Variants in MTMR12 observed in about 807,000 individuals in gnomAD.
MTMR12 encodes the protein myotubularin-related protein 12.
Under a neutral mutation model 96.7 loss-of-function variants are expected in MTMR12, and 33 were observed. The observed-to-expected ratio is 0.34, with a 90% CI of 0.26 to 0.46. MTMR12 has a LOEUF of 0.46. Among genes scored for constraint, MTMR12 ranks in the 20% least tolerant of loss-of-function variants. MTMR12 has a pLI of 1.00. For synonymous variants in MTMR12, 298 were observed against 327.2 expected, an observed-to-expected ratio of 0.91 and a Z score of 0.96; for missense variants, 721 against 896.1, an observed-to-expected ratio of 0.80 and a Z score of 2.49.
chr5:32,272,116 C>A (rs1015439830), intron 3 of MTMR12, among the ~76,000 whole-genome samples: 4 of 151,804 alleles, frequency 2.6e-5, no homozygotes, highest in Admixed American at 2.6e-4. Flanking sequence ...ACGGTGAAAC[C>A]CCATCTCTAC....
chr5:32,265,586 C>T (rs1749556780), intron 6 of MTMR12, among the ~76,000 whole-genome samples: 1 of 152,202 alleles, frequency 6.6e-6, no homozygotes, highest in Admixed American at 6.5e-5. Context: ...TCTAAGACAG[C>T]ACCCAGTTAA....
chr5:32,304,129 G>A (rs569657342), intron 1 of MTMR12, among the ~76,000 whole-genome samples: 2 of 152,176 alleles, frequency 1.3e-5, no homozygotes, highest in South Asian at 2.1e-4. Flanking sequence ...AGACCATCCC[G>A]ACTAACACAG....
chr5:32,257,349 T>C (rs1749180675), intron 7 of MTMR12, among the ~76,000 whole-genome samples: 3 of 152,050 alleles, frequency 2.0e-5, no homozygotes, highest in Admixed American at 2.0e-4. Flanking sequence ...CAAGAGAGGG[T>C]GAAGCAGGTG....
chr5:32,282,011 G>C (rs780299533), intron 1 of MTMR12, among the ~76,000 whole-genome samples: 11 of 152,014 alleles, frequency 7.2e-5, no homozygotes, highest in Admixed American at 1.3e-4. Flanking sequence ...GTTGCTAAAA[G>C]GTGGTAACAA....
chr5:32,256,047 A>G (rs1749119448), intron 7 of MTMR12: 1 of 224,130 alleles, frequency 4.5e-6, no homozygotes. Context: ...TCCTCTTTCA[A>G]AAATGAGGGG....
chr5:32,290,162 G>A (rs1052025424), intron 1 of MTMR12, among the ~76,000 whole-genome samples: 2 of 152,214 alleles, frequency 1.3e-5, no homozygotes, highest in African/African-American at 2.4e-5. Flanking sequence ...AGGCCCACCA[G>A]AAGCAATTTG....
At chr5:32,299,818 G>C (rs1751069340) in intron 1 of MTMR12, among the ~76,000 whole-genome samples, 2 of 152,154 alleles carry the variant, frequency 1.3e-5, no homozygotes, top group Non-Finnish European at 1.5e-5. Flanking sequence ...ATAAGAGATG[G>C]GGAAAGATGT....
chr5:32,263,324 T>A, intron 6 of MTMR12, 82 bp from the exon 7 acceptor site: 1 of 1,560,244 alleles, frequency 6.4e-7, no homozygotes, highest in Non-Finnish European at 8.7e-7. Context: ...CCTCCTTAGG[T>A]TTTGGTTTCC....
At chr5:32,282,111 G>A (rs530386140) in intron 1 of MTMR12, among the ~76,000 whole-genome samples, 2 of 152,234 alleles carry the variant, frequency 1.3e-5, no homozygotes, top group Admixed American at 6.5e-5. Flanking sequence ...GGCTGGGTGC[G>A]GTGGCTCATG....
chr5:32,229,964 C>T lies in MTMR12; in HGVS notation c.2058G>A (p.Gln686=), dbSNP rs1003922343. 28 of 1,612,284 alleles carry T rather than the reference C, an allele frequency of 1.7e-5. No individual in the cohort carries two copies. The highest frequency in any genetic ancestry group is 2.7e-5 in the African/African-American group (2 of 75,034). ...GGCAGGGGGCCTCAGCCTGGGGGGC[C>T]TGCTGGCTGTGGTGTCTCTCGTCGA... The part of the protein sequence containing the change: ...EKIDERHHSQ[Q]APQAEAPCLL... Residue 686 remains glutamine, a synonymous_variant, in exon 16 of 16, where the codon CAG becomes CAA. Transcript: ENST00000382142.
chr5:32,287,682 C>T (rs1750590794), intron 1 of MTMR12, among the ~76,000 whole-genome samples: 2 of 152,076 alleles, frequency 1.3e-5, no homozygotes, highest in South Asian at 4.1e-4. Flanking sequence ...GAGTTGGCTG[C>T]TTAATATGAT....
chr5:32,294,608 G>A (rs1027145231), intron 1 of MTMR12, among the ~76,000 whole-genome samples: 1 of 152,026 alleles, frequency 6.6e-6, no homozygotes, highest in Non-Finnish European at 1.5e-5. Context: ...GCCAAGCATA[G>A]CACTTTTCAC....
intron 8 of MTMR12, 93 bp from the exon 9 acceptor site, chr5:32,248,971 G>A (rs1368818743): frequency 2.2e-5 from 20 of 908,176 alleles, no homozygotes; most frequent in Admixed American, 5.5e-5. Flanking sequence ...AGGGAAATCT[G>A]TAACTTCAGT....
chr5:32,286,199 C>T (rs912978094), intron 1 of MTMR12, among the ~76,000 whole-genome samples: 5 of 152,042 alleles, frequency 3.3e-5, no homozygotes, highest in African/African-American at 1.2e-4. Context: ...ATTAGCAGGG[C>T]ATGGTGGCAT....
intron 1 of MTMR12, among the ~76,000 whole-genome samples, chr5:32,294,099 G>T (rs1413255017): frequency 6.6e-6 from 1 of 151,934 alleles, no homozygotes; most frequent in Non-Finnish European, 1.5e-5. Context: ...GCCTCCAACT[G>T]GCCCCTACTG....
At chr5:32,296,222 A>T (rs1308337211) in intron 1 of MTMR12, 1 of 155,362 alleles carries the variant, frequency 6.4e-6, no homozygotes, top group Non-Finnish European at 1.4e-5. Flanking sequence ...TAACGTCTGT[A>T]ATCCCAACAC....
intron 1 of MTMR12, among the ~76,000 whole-genome samples, chr5:32,293,664 G>C (rs1410242792): frequency 6.6e-6 from 1 of 152,132 alleles, no homozygotes; most frequent in Non-Finnish European, 1.5e-5. Context: ...TCTGGGCAGG[G>C]TCCTCTTACT....
chr5:32,232,947 C>T (rs994268290), intron 15 of MTMR12: 89 of 983,570 alleles, frequency 9.0e-5, no homozygotes, highest in East Asian at 1.1e-4. Flanking sequence ...TGACACACAT[C>T]GACTTAGACT....
At chr5:32,301,901 T>A (rs1041767946) in intron 1 of MTMR12, among the ~76,000 whole-genome samples, 5 of 150,586 alleles carry the variant, frequency 3.3e-5, no homozygotes, top group Non-Finnish European at 7.4e-5. Context: ...AAAATAAAAA[T>A]AAACAAAAAA....
Sources: gnomAD v4.1 joint callset for allele counts (sites outside exome capture counted in the v4.1 genomes callset) on GRCh38, gnomAD v4.1.1 for gene constraint, MANE v1.5 for transcripts, NCBI Gene and HGNC (gene_info 2026-07-23, HGNC 2026-07-21) for gene names.